NKTR: variants seen among roughly 807,000 people sequenced by gnomAD.
NKTR encodes NK-tumor recognition protein.
A neutral mutation model predicts 156.3 loss-of-function variants in NKTR; 67 were observed. The observed-to-expected ratio is 0.43, with a 90% CI of 0.35 to 0.53. The LOEUF is 0.53. Ranked by LOEUF, NKTR falls within the 20% of genes least tolerant of loss-of-function variation. The probability of loss-of-function intolerance (pLI) is 0.01; values close to 1 mark genes in which losing one functional copy is unlikely to be tolerated. For synonymous variants in NKTR, 640 were observed against 596.6 expected, an observed-to-expected ratio of 1.07 and a Z score of -1.06; for missense variants, 1,604 against 1,730.9, an observed-to-expected ratio of 0.93 and a Z score of 1.30.
intron 6 of NKTR, among the ~76,000 whole-genome samples, chr3:42,623,200 A>G (rs897851489): frequency 6.6e-6 from 1 of 152,064 alleles, no homozygotes; most frequent in Non-Finnish European, 1.5e-5. Context: ...ATATTGGACT[A>G]CAATTTTTGA....
At chr3:42,628,051 T>C (rs1423032586) in intron 6 of NKTR, 2 of 985,348 alleles carry the variant, frequency 2.0e-6, no homozygotes, top group Non-Finnish European at 2.4e-6. Context: ...CAAGTGCCAG[T>C]AACCCTGCTT....
chr3:42,628,000 A>C, intron 6 of NKTR: 1 of 985,254 alleles, frequency 1.0e-6, no homozygotes, highest in Non-Finnish European at 1.2e-6. Context: ...CCCTTTTGTA[A>C]CCCTCTTTGG....
chr3:42,632,888 A>C, intron 9 of NKTR, 65 bp downstream of exon 9: 1 of 1,370,816 alleles, frequency 7.3e-7, no homozygotes, highest in African/African-American at 1.5e-5. Flanking sequence ...AAAAGTATGT[A>C]TAATTCTATA....
Position 42,604,659 on chromosome 3 carries a change from C to CTTTTT in NKTR, c.58+3630_58+3634dup, listed in dbSNP as rs71072726. On this transcript the variant is annotated intron_variant, in intron 2 of 16. Transcript: ENST00000232978. Reference sequence around the variant, plus strand: ...AATTGTGGATTTATCTATTTCTCTCCTTTTTTTTTTTTTTTTTTTTTTTTT... The same window carrying CTTTTT: ...AATTGTGGATTTATCTATTTCTCTCCTTTTTTTTTTTTTTTTTTTTTTTTTTTTTT... Among the ~76,000 whole-genome samples, 158 of 45,288 alleles carry CTTTTT rather than the reference C, an allele frequency of 3.5e-3. 44 individuals carry two copies. The highest frequency in any genetic ancestry group is 5.3e-3 in the Non-Finnish European group (134 of 25,128). 29.7% of individuals were successfully genotyped at this position (45,288 alleles called of 152,430 possible).
intron 15 of NKTR, chr3:42,643,601 G>A: frequency 3.2e-6 from 2 of 623,358 alleles, no homozygotes; most frequent in Non-Finnish European, 5.8e-6. Context: ...ATATCAAATT[G>A]TAATGGCAGG....
intron 2 of NKTR, chr3:42,601,375 C>T (rs1400249282): frequency 1.7e-5 from 4 of 238,142 alleles, no homozygotes; most frequent in African/African-American, 9.0e-5. Flanking sequence ...CCAGTGTCTC[C>T]GTGAGGCAGA....
At chr3:42,603,839 G>A (rs888895126) in intron 2 of NKTR, among the ~76,000 whole-genome samples, 5 of 150,542 alleles carry the variant, frequency 3.3e-5, no homozygotes, top group Admixed American at 1.3e-4. Flanking sequence ...AGGTTCAAGC[G>A]ATTCTCCTGC....
intron 3 of NKTR, 68 bp from the exon 4 acceptor site, chr3:42,618,952 T>G: frequency 1.5e-6 from 2 of 1,327,906 alleles, no homozygotes; most frequent in Non-Finnish European, 1.0e-6. Flanking sequence ...GATTAATTGG[T>G]TTGTTCTTTC....
At position 42,647,845 on chromosome 3, in the gene NKTR, G is replaced by A. The variant is rs946176123; in HGVS notation, c.*1870G>A. On this transcript the variant is annotated 3_prime_UTR_variant, in exon 17 of 17. Transcript: ENST00000232978. ...GTGACAAATTACCCCAAATTTAGCA[G>A]TTTAAAAAACAATACCCATAGCAGT... 6 of 152,200 alleles carry A rather than the reference G, an allele frequency of 3.9e-5. No homozygotes were observed. The highest frequency in any genetic ancestry group is 3.9e-4 in the Admixed American group (6 of 15,278). The allele number at this position is 152,200 out of a possible 1,614,324, so 9.4% of individuals were successfully genotyped here.
Position 42,637,129 on chromosome 3 carries a change from G to A in NKTR, c.1425G>A (p.Met475Ile). ...CCTCAAAATCTTCCACTCGAAGAAT[G>A]AAATCCTCTTGTGATAGAGAAAGGA... ...IESSKSSTRR[M>I]KSSCDRERSS... Residue 475 changes from methionine to isoleucine, a missense_variant, in exon 13 of 17, where the codon ATG (methionine) becomes ATA (isoleucine). Physicochemically the swap from Met to Ile is conservative, Grantham distance 10. Transcript: ENST00000232978. 1 of 1,609,018 alleles carries A rather than the reference G, an allele frequency of 6.2e-7. No homozygotes were observed. The highest frequency in any genetic ancestry group is 1.1e-5 in the South Asian group (1 of 90,004).
At chr3:42,644,075 G>A (rs1456197880) in intron 16 of NKTR, 72 bp downstream of exon 16, 5 of 886,212 alleles carry the variant, frequency 5.6e-6, no homozygotes, top group Non-Finnish European at 9.0e-6. Context: ...GGAGGGTGAT[G>A]GGCTGCTAGT....
At chr3:42,622,044 A>C (rs535009989) in intron 6 of NKTR, among the ~76,000 whole-genome samples, 1 of 152,144 alleles carries the variant, frequency 6.6e-6, no homozygotes, top group African/African-American at 2.4e-5. Flanking sequence ...CATTTTAAAA[A>C]ACTCATTTTA....
chr3:42,634,354 T>C (rs553649095), intron 10 of NKTR, among the ~76,000 whole-genome samples: 1 of 152,326 alleles, frequency 6.6e-6, no homozygotes, highest in East Asian at 1.9e-4. Context: ...TAATGGCTGG[T>C]GTCATTGATA....
chr3:42,615,560 T>G (rs977563571), intron 2 of NKTR, among the ~76,000 whole-genome samples: 1 of 152,308 alleles, frequency 6.6e-6, no homozygotes, highest in Non-Finnish European at 1.5e-5. Flanking sequence ...GCTTTCATTT[T>G]GAGGCATTAC....
intron 2 of NKTR, among the ~76,000 whole-genome samples, chr3:42,614,237 T>C (rs563591081): frequency 1.2e-4 from 19 of 152,328 alleles, no homozygotes; most frequent in African/African-American, 4.3e-4. Flanking sequence ...CTTAACTCTT[T>C]ACAGAGATGG....
chr3:42,639,956 A>G (rs926309272), intron 13 of NKTR, among the ~76,000 whole-genome samples: 25 of 144,134 alleles, frequency 1.7e-4, no homozygotes, highest in East Asian at 1.0e-3. Context: ...TTACAAAACT[A>G]TTACTATCAG....
chr3:42,619,549 G>A, intron 4 of NKTR, 115 bp from the exon 5 acceptor site: 1 of 1,541,978 alleles, frequency 6.5e-7, no homozygotes, highest in Non-Finnish European at 8.7e-7. Flanking sequence ...TTTGATTATT[G>A]CAGCAGTTAT....
At chr3:42,645,107 C>T (rs953313426) in intron 16 of NKTR, among the ~76,000 whole-genome samples, 5 of 152,010 alleles carry the variant, frequency 3.3e-5, no homozygotes, top group Non-Finnish European at 5.9e-5. Context: ...CCTGTTCATG[C>T]CCAGGGCCAC....
chr3:42,638,529 C>T lies in NKTR; in HGVS notation c.2825C>T (p.Pro942Leu). 6.2e-7 allele frequency: 1 copy of T among 1,613,502 alleles called. No homozygotes were observed. The highest frequency in any genetic ancestry group is 8.5e-7 in the Non-Finnish European group (1 of 1,179,818). Residue 942 changes from proline (P) to leucine (L), a missense_variant, in exon 13 of 17, where the codon CCT becomes CTT. Transcript: ENST00000232978. Reference protein sequence around the residue: ...TTKSSTNTSLPDDNGAWKSSK... With the variant: ...TTKSSTNTSLLDDNGAWKSSK... ...AAGTCGTCCACAAATACTTCACTGC[C>T]TGATGATAATGGTGCTTGGAAATCA...
Sources: allele counts gnomAD v4.1 joint callset (sites outside exome capture counted in the v4.1 genomes callset), GRCh38; gene constraint gnomAD v4.1.1; transcripts MANE v1.5; gene names NCBI Gene and HGNC (gene_info 2026-07-23, HGNC 2026-07-21).